PHAX: variants seen among roughly 807,000 people sequenced by gnomAD.
PHAX encodes the protein phosphorylated adaptor for RNA export, also known as phosphorylated adapter RNA export protein.
PHAX carries 31 observed loss-of-function variants against 41.6 expected under a neutral mutation model. That is an observed-to-expected ratio of 0.75 (90% CI 0.56 to 1.01). The LOEUF is 1.01. Among genes scored for constraint, PHAX ranks in the 50% least tolerant of loss-of-function variants. The pLI, the probability that PHAX is intolerant of heterozygous loss-of-function variation, is 0.00. For missense variants in PHAX, 453 were observed against 472.9 expected, an observed-to-expected ratio of 0.96 and a Z score of 0.39; for synonymous variants, 175 against 164.9, an observed-to-expected ratio of 1.06 and a Z score of -0.47.
At chr5:126,618,984 G>T (rs565897836) in intron 4 of PHAX, among the ~76,000 whole-genome samples, 5 of 152,230 alleles carry the variant, frequency 3.3e-5, no homozygotes, top group African/African-American at 1.2e-4. Flanking sequence ...TGTTGCCCCA[G>T]CTGGAGTGCA....
intron 2 of PHAX, among the ~76,000 whole-genome samples, chr5:126,608,021 GTA>G (rs1163793241): frequency 6.6e-6 from 1 of 152,176 alleles, no homozygotes; most frequent in Admixed American, 6.6e-5. Flanking sequence ...ATAATTGAAA[GTA>G]TATATGTCTG....
intron 3 of PHAX, among the ~76,000 whole-genome samples, chr5:126,608,712 C>T (rs975617786): frequency 6.6e-5 from 10 of 151,680 alleles, no homozygotes; most frequent in Admixed American, 2.0e-4. Flanking sequence ...TGAGGCGGGC[C>T]GATCACCTGA....
intron 1 of PHAX, 66 bp downstream of exon 1, chr5:126,601,124 C>A: frequency 1.7e-6 from 2 of 1,207,128 alleles, no homozygotes; most frequent in Non-Finnish European, 2.4e-6. Context: ...GGGGAGCGCG[C>A]AGGCAGCGGT....
At chr5:126,603,544 T>C (rs372010028) in intron 1 of PHAX, 26 bp from the exon 2 acceptor site, 1 of 1,571,314 alleles carries the variant, frequency 6.4e-7, no homozygotes, top group Non-Finnish European at 8.6e-7. Flanking sequence ...TTTTGTGAAA[T>C]TGATTGTGTT....
chr5:126,624,178 T>A (rs1039448959), intron 4 of PHAX, among the ~76,000 whole-genome samples: 15 of 151,768 alleles, frequency 9.9e-5, no homozygotes, highest in African/African-American at 3.2e-4. Flanking sequence ...CCGGCTACTT[T>A]TTGTATTTTT....
intron 3 of PHAX, among the ~76,000 whole-genome samples, chr5:126,611,731 C>T (rs1752104682): frequency 6.6e-6 from 1 of 150,454 alleles, no homozygotes; most frequent in Admixed American, 6.7e-5. Flanking sequence ...GTCAAGGCTG[C>T]AGTGAACTGT....
At chr5:126,620,740 T>C (rs1417111385) in intron 4 of PHAX, among the ~76,000 whole-genome samples, 1 of 144,320 alleles carries the variant, frequency 6.9e-6, no homozygotes, top group African/African-American at 2.9e-5. Flanking sequence ...GGACATTCTT[T>C]TGTTTGTTTG....
At chr5:126,617,132 G>T in intron 3 of PHAX, 118 bp from the exon 4 acceptor site, 1 of 539,428 alleles carries the variant, frequency 1.9e-6, no homozygotes. Flanking sequence ...GTCAGAATCA[G>T]GACTGGACTT....
In PHAX at chr5:126,625,391, G is replaced by A. The variant is rs1752332756; in HGVS notation, c.*547G>A. On this transcript the variant is annotated 3_prime_UTR_variant, in exon 5 of 5. Transcript: ENST00000297540. ...GCGGGCAGATCACTTGAGGTCAGAA[G>A]TTTGAGACCAGCCAGGCCAACATGG... is the stretch of plus-strand genomic sequence containing the variant. 2 of 152,420 alleles carry A rather than the reference G, an allele frequency of 1.3e-5. No individual in the cohort carries two copies. The allele number at this position is 152,420 out of a possible 1,614,324, so 9.4% of individuals were successfully genotyped here. A position where few individuals can be genotyped will look rare whatever the true frequency, so the allele number is the denominator to read the frequency against.
intron 1 of PHAX, among the ~76,000 whole-genome samples, chr5:126,602,818 C>G (rs1043976950): frequency 6.6e-6 from 1 of 152,052 alleles, no homozygotes; most frequent in Non-Finnish European, 1.5e-5. Flanking sequence ...TCCTGGCTAA[C>G]GCGGTGAAAC....
intron 3 of PHAX, among the ~76,000 whole-genome samples, chr5:126,613,019 G>T (rs1329129719): frequency 1.3e-5 from 2 of 152,136 alleles, no homozygotes; most frequent in Non-Finnish European, 2.9e-5. Flanking sequence ...AACATGGAAG[G>T]GTATGTATAA....
chr5:126,605,549 C>A (rs557575371), intron 2 of PHAX, among the ~76,000 whole-genome samples: 53 of 142,330 alleles, frequency 3.7e-4, no homozygotes, highest in African/African-American at 1.4e-3. Context: ...GCCACCACAC[C>A]CAAATAATTT....
chr5:126,602,354 A>G (rs1751916883), intron 1 of PHAX, among the ~76,000 whole-genome samples: 2 of 152,258 alleles, frequency 1.3e-5, no homozygotes, highest in Non-Finnish European at 2.9e-5. Context: ...TCCTGGGGCC[A>G]CCGATGTGTG....
intron 4 of PHAX, among the ~76,000 whole-genome samples, chr5:126,624,009 T>G (rs901888568): frequency 3.6e-4 from 30 of 82,736 alleles, no homozygotes; most frequent in Admixed American, 2.5e-3. Context: ...TGGTTTTGGG[T>G]TTTTTTTTTT....
At chr5:126,601,788 T>C (rs1458073922) in intron 1 of PHAX, among the ~76,000 whole-genome samples, 1 of 152,158 alleles carries the variant, frequency 6.6e-6, no homozygotes, top group Admixed American at 6.6e-5. Context: ...TGCCTCAGCC[T>C]CCCGAGTAGC....
intron 4 of PHAX, among the ~76,000 whole-genome samples, chr5:126,620,734 A>G (rs906702651): frequency 4.0e-5 from 6 of 151,470 alleles, no homozygotes; most frequent in African/African-American, 1.2e-4. Flanking sequence ...TTACAAGGAC[A>G]TTCTTTTGTT....
chr5:126,605,676 C>T (rs1015429747), intron 2 of PHAX, among the ~76,000 whole-genome samples: 2 of 152,076 alleles, frequency 1.3e-5, no homozygotes, highest in Non-Finnish European at 2.9e-5. Context: ...GGATTATAGG[C>T]GTGAGCTGCG....
intron 1 of PHAX, among the ~76,000 whole-genome samples, chr5:126,601,389 C>A (rs1751900914): frequency 6.6e-6 from 1 of 152,198 alleles, no homozygotes; most frequent in Non-Finnish European, 1.5e-5. Flanking sequence ...GCCTCTTAGA[C>A]GTCTCACCTC....
rs1355042691 is a variant in PHAX at position 126,617,326 on chromosome 5, A to C, written c.908A>C (p.Gln303Pro). 1 of 1,592,806 alleles carries C rather than the reference A, an allele frequency of 6.3e-7. No homozygotes were observed. The highest frequency in any genetic ancestry group is 1.3e-5 in the African/African-American group (1 of 74,450). The change falls in exon 4 of 5, where the codon CAA (glutamine) becomes CCA (proline). Residue 303 changes from glutamine to proline, a missense_variant. Transcript: ENST00000297540. ...LKNTPSISEEQIKDIFYIENQ... is the reference protein window; with the variant it reads ...LKNTPSISEEPIKDIFYIENQ... ...AACACTCCTAGTATCAGCGAGGAACAAATTAAGGTAATGATAATGTCCTCA... is the reference window on the plus strand; with the variant it reads ...AACACTCCTAGTATCAGCGAGGAACCAATTAAGGTAATGATAATGTCCTCA...
Sources: gnomAD v4.1 joint callset for allele counts (sites outside exome capture counted in the v4.1 genomes callset) on GRCh38, gnomAD v4.1.1 for gene constraint, MANE v1.5 for transcripts, NCBI Gene and HGNC (gene_info 2026-07-23, HGNC 2026-07-21) for gene names.